The following LRRC41 variants were observed in gnomAD, a reference collection of about 807,000 sequenced individuals.
LRRC41 encodes the protein leucine rich repeat containing 41.
Under a neutral mutation model 72.1 loss-of-function variants are expected in LRRC41, and 17 were observed. That is an observed-to-expected ratio of 0.24 (90% CI 0.16 to 0.35). LRRC41 has a LOEUF of 0.35. Among genes scored for constraint, LRRC41 ranks in the 10% least tolerant of loss-of-function variants. The pLI is 1.00. For missense variants in LRRC41, 759 were observed against 1,065.0 expected, an observed-to-expected ratio of 0.71 and a Z score of 4.00; for synonymous variants, 427 against 431.0, an observed-to-expected ratio of 0.99 and a Z score of 0.11.
chr1:46,285,823 G>T lies in LRRC41; in HGVS notation c.1034C>A (p.Pro345Gln), dbSNP rs1660873203. 1 of 1,593,350 alleles carries T rather than the reference G, an allele frequency of 6.3e-7. No homozygotes were observed. The highest frequency in any genetic ancestry group is 8.5e-7 in the Non-Finnish European group (1 of 1,171,100). Residue 345 changes from proline (P) to glutamine (Q), a missense_variant, in exon 4 of 10, where the codon CCA becomes CAA. Pro to Gln is a moderately conservative substitution (Grantham distance 76). This residue lies in a region of LRRC41 where 427 missense variants were observed against 520.9 expected (regional missense o/e 0.82). Transcript: ENST00000617190. This position sits in a 1 kb window ranked among gnomAD's most constrained non-coding sequence, Gnocchi z 5.3. ...GTDLKRELHP[P>Q]ATSHEAPGTK... is the part of the protein sequence containing the mutation. ...GCCAGGAGCCTCATGGGAGGTGGCT[G>T]GGGGGTGCAGCTCCCTCTTAAGGTC...
chr1:46,290,155 C>T (rs138189012), intron 3 of LRRC41, among the ~76,000 whole-genome samples: 231 of 152,300 alleles, frequency 1.5e-3, no homozygotes, highest in Non-Finnish European at 2.5e-3. Flanking sequence ...TGCATGTAAT[C>T]GCAGTACTTG....
intron 1 of LRRC41, chr1:46,300,337 A>G (rs1661198315): frequency 6.6e-6 from 1 of 152,192 alleles, no homozygotes; most frequent in East Asian, 1.9e-4. Context: ...ATCTCAAAGA[A>G]AAAGAACAAG....
intron 3 of LRRC41, among the ~76,000 whole-genome samples, chr1:46,294,669 A>C (rs1661088571): frequency 7.3e-6 from 1 of 136,956 alleles, no homozygotes; most frequent in African/African-American, 2.8e-5. Context: ...ATCTTGGCTC[A>C]CTGCAACCTC....
rs961085936 is a variant in LRRC41, at chr1:46,278,609, C to T, written c.*256G>A. 1.7e-6 allele frequency: 1 copy of T among 605,820 alleles called. No homozygotes were observed. The highest frequency in any genetic ancestry group is 2.1e-5 in the South Asian group (1 of 48,738). 37.5% of individuals were successfully genotyped at this position (605,820 alleles called of 1,614,324 possible). A position where few individuals can be genotyped will look rare whatever the true frequency, so the allele number is the denominator to read the frequency against. On this transcript the variant is annotated 3_prime_UTR_variant, in exon 10 of 10. Transcript: ENST00000617190. The stretch of plus-strand genomic sequence containing the variant: ...GGGATCTCTTCAGCAATTATGATGA[C>T]CACTGTAACCTCCTGGCCCAGGGTT...
At chr1:46,298,250 T>C (rs200810662) in intron 2 of LRRC41, 34 bp downstream of exon 2, 17 of 1,420,398 alleles carry the variant, frequency 1.2e-5, no homozygotes, top group Admixed American at 1.8e-5. Context: ...TTGCTCATAA[T>C]CATTGACTGA....
In LRRC41 at chr1:46,290,888, G is replaced by A. The variant is rs533852269; in HGVS notation, c.358-4389C>T. Among the ~76,000 whole-genome samples the A allele has an allele frequency of 2.9e-5, 4 of 136,768 alleles. 1 individual carries two copies. The South Asian group carries it at 7.2e-4, about 24-fold the overall frequency. The allele number at this position is 136,768 out of a possible 152,430, so 89.7% of individuals were successfully genotyped here. A position where few individuals can be genotyped will look rare whatever the true frequency, so the allele number is the denominator to read the frequency against. On this transcript the variant is annotated intron_variant, in intron 3 of 9. Transcript: ENST00000617190. ...CTCCCAAAGTGTTGGGATTACAGGC[G>A]TAAGCCACCATGCCCGGCCTGTTTC...
In LRRC41 at chr1:46,292,792, AT is replaced by A. The variant is rs553280272; in HGVS notation, c.357+4770del. Among the ~76,000 whole-genome samples the A allele has an allele frequency of 5.6e-3, 845 of 152,118 alleles. 23 individuals are homozygous for A. Among genetic ancestry groups the A allele is most frequent in the Admixed American group, 0.041 (633 of 15,266 alleles). ...ATTTGGTTATGGTGTTGGCATTTTCATTTTTTTAATTTAATCAATACAAAGT... is the reference window on the plus strand; with the variant it reads ...ATTTGGTTATGGTGTTGGCATTTTCATTTTTTAATTTAATCAATACAAAGT... On this transcript the variant is annotated intron_variant, in intron 3 of 9. Coordinates refer to ENST00000617190, the MANE Select transcript of LRRC41 (RefSeq NM_006369.5).
rs1046575234 is a variant in LRRC41, at chr1:46,302,798, C to A, written c.199+326G>T. On this transcript the variant is annotated intron_variant, in intron 1 of 9. Transcript: ENST00000617190. The surrounding 1 kb of genome is among the most constrained non-coding windows in gnomAD (Gnocchi z 4.7). ...TCCGAGACTCTCCTGCCCGGCCCAGCCGAGTGTCAGTTCGCGCGGCCCACA... is the reference window on the plus strand; with the variant it reads ...TCCGAGACTCTCCTGCCCGGCCCAGACGAGTGTCAGTTCGCGCGGCCCACA... The A allele has an allele frequency of 5.1e-6, 5 of 985,140 alleles. No homozygotes were observed. The highest frequency in any genetic ancestry group is 6.0e-6 in the Non-Finnish European group (5 of 829,824). The allele number at this position is 985,140 out of a possible 1,614,324, so 61.0% of individuals were successfully genotyped here.
rs1660866614 is a variant in LRRC41, at chr1:46,285,542, C to T, written c.1315G>A (p.Ala439Thr). 6.2e-7 allele frequency: 1 copy of T among 1,613,486 alleles called. No individual in the cohort carries two copies. The highest frequency in any genetic ancestry group is 8.5e-7 in the Non-Finnish European group (1 of 1,179,750). Residue 439 changes from alanine (A) to threonine (T), a missense_variant, in exon 4 of 10, where the codon GCT (alanine) becomes ACT (threonine). Around this residue, in one of 4 missense-constraint regions of LRRC41, gnomAD observed 427 missense variants for 520.9 expected, o/e 0.82. Coordinates refer to ENST00000617190, the MANE Select transcript of LRRC41 (RefSeq NM_006369.5). The surrounding 1 kb of genome is among the most constrained non-coding windows in gnomAD (Gnocchi z 5.3). ...EMEIGEVACG[A>T]LDGSDPSCLG... The stretch of plus-strand genomic sequence containing the variant: ...CAGCTGGGATCTGATCCATCCAAAG[C>T]TCCACAAGCCACTTCCCCAATCTCC...
chr1:46,295,661 CAG>C (rs1159166269), intron 3 of LRRC41, among the ~76,000 whole-genome samples: 2 of 152,216 alleles, frequency 1.3e-5, no homozygotes, highest in Admixed American at 1.3e-4. Flanking sequence ...GCCAAGAAGA[CAG>C]AAAGCTTTCT....
At position 46,277,548 on chromosome 1, in the gene LRRC41, T is replaced by C. The variant is rs1177395199; in HGVS notation, c.*1317A>G. The C allele has an allele frequency of 7.9e-6, 4 of 508,690 alleles. No homozygotes were observed. The highest frequency in any genetic ancestry group is 1.4e-5 in the Non-Finnish European group (4 of 280,952). 31.5% of individuals were successfully genotyped at this position (508,690 alleles called of 1,614,324 possible). On this transcript the variant is annotated 3_prime_UTR_variant, in exon 10 of 10. Transcript: ENST00000617190. Reference sequence around the variant, plus strand: ...TGAAGCTGCAGCAGACAAACCTCAGTTCACCCTGACGGGATTTAGCCAGGC... The same window carrying C: ...TGAAGCTGCAGCAGACAAACCTCAGCTCACCCTGACGGGATTTAGCCAGGC...
Position 46,303,266 on chromosome 1 carries a change from C to G in LRRC41, c.57G>C (p.Ala19=), listed in dbSNP as rs1447987025. Residue 19 remains alanine (A), a synonymous_variant, in exon 1 of 10, where the codon GCG becomes GCC. Coordinates refer to ENST00000617190, the MANE Select transcript of LRRC41 (RefSeq NM_006369.5). Reference sequence around the variant, plus strand: ...GGGACGTGGCCTCCATGGTCGTTGCCGCCGCTACCTCACAGAACCAGCAAC... The same window carrying G: ...GGGACGTGGCCTCCATGGTCGTTGCGGCCGCTACCTCACAGAACCAGCAAC... ...ARSCWFCEVA[A]ATTMEATSRE... 1 of 1,545,976 alleles carries G rather than the reference C, an allele frequency of 6.5e-7. No homozygotes were observed. The highest frequency in any genetic ancestry group is 8.7e-7 in the Non-Finnish European group (1 of 1,146,636).
intron 3 of LRRC41, among the ~76,000 whole-genome samples, chr1:46,287,786 T>TA (rs1019416525): frequency 5.3e-5 from 8 of 152,348 alleles, no homozygotes; most frequent in African/African-American, 1.9e-4. Flanking sequence ...AAGAGGCTGG[T>TA]ATGTTGTCTC....
Position 46,281,254 on chromosome 1 carries a change from T to C in LRRC41, c.1627A>G (p.Ile543Val), listed in dbSNP as rs769614266. Reference sequence around the variant, plus strand: ...CGTAGCAGGGGCAGTGCTCGCACGATAGCACGTGTCAGCTCCAGGATGGGC... The same window carrying C: ...CGTAGCAGGGGCAGTGCTCGCACGACAGCACGTGTCAGCTCCAGGATGGGC... ...PLPILELTRA[I>V]VRALPLLRVL... The change falls in exon 5 of 10, where the codon ATC becomes GTC. Residue 543 changes from isoleucine (I) to valine (V), a missense_variant. By Grantham distance (29) the Ile-to-Val change is conservative (BLOSUM62 3). This residue lies in a region of LRRC41 where 427 missense variants were observed against 520.9 expected (regional missense o/e 0.82). Coordinates refer to ENST00000617190, the MANE Select transcript of LRRC41 (RefSeq NM_006369.5). The C allele has an allele frequency of 3.1e-6, 5 of 1,614,196 alleles. No homozygotes were observed. Among genetic ancestry groups the C allele is most frequent in the East Asian group, 2.2e-5 (1 of 44,882 alleles).
At chr1:46,290,129 G>A (rs1467614093) in intron 3 of LRRC41, among the ~76,000 whole-genome samples, 2 of 152,140 alleles carry the variant, frequency 1.3e-5, no homozygotes, top group South Asian at 2.1e-4. Flanking sequence ...AATCATGGAC[G>A]AGGCATGGTG....
At position 46,278,942 on chromosome 1, in the gene LRRC41, G is replaced by C; in HGVS notation, c.2362C>G (p.Leu788Val). 1 of 1,613,934 alleles carries C rather than the reference G, an allele frequency of 6.2e-7. No homozygotes were observed. Among genetic ancestry groups the C allele is most frequent in the South Asian group, 1.1e-5 (1 of 91,072 alleles). ...AVTAREAIRR[L>V]RATCHVVSDS... ...CTAACCACATGGCAGGTAGCCCGGA[G>C]CCGCCGGATGGCTTCCCTGGCTGTG... Residue 788 changes from leucine to valine, a missense_variant, in exon 10 of 10, where the codon CTC (leucine) becomes GTC (valine). This residue lies in a region of LRRC41 where 110 missense variants were observed against 227.0 expected (regional missense o/e 0.48). Transcript: ENST00000617190.
chr1:46,285,952 A>G lies in LRRC41; in HGVS notation c.905T>C (p.Met302Thr), dbSNP rs942383200. The change falls in exon 4 of 10, where the codon ATG becomes ACG. Residue 302 changes from methionine to threonine, a missense_variant. This residue lies in a region of LRRC41 where 427 missense variants were observed against 520.9 expected (regional missense o/e 0.82). Transcript: ENST00000617190. This position sits in a 1 kb window ranked among gnomAD's most constrained non-coding sequence, Gnocchi z 5.3. ...DAAERCAAAL[M>T]ASRRKSEAKQ... ...GGCTTCACTCTTACGCCGGCTGGCC[A>G]TCAGGGCTGCAGCACATCGCTCAGC... 15 of 1,534,896 alleles carry G rather than the reference A, an allele frequency of 9.8e-6. No individual in the cohort carries two copies. Among genetic ancestry groups the G allele is most frequent in the Non-Finnish European group, 1.3e-5 (15 of 1,141,792 alleles).
chr1:46,286,982 C>G lies in LRRC41; in HGVS notation c.358-483G>C, dbSNP rs1356614424. ...TACAGGCGCCCGCCACCACACCTGG[C>G]TAATTTTTGTATGTTTCATCATATT... is the stretch of plus-strand genomic sequence containing the variant. On this transcript the variant is annotated intron_variant, in intron 3 of 9. Coordinates refer to ENST00000617190, the MANE Select transcript of LRRC41 (RefSeq NM_006369.5). The surrounding 1 kb of genome is among the most constrained non-coding windows in gnomAD (Gnocchi z 5.5). 6.6e-6 allele frequency among the ~76,000 whole-genome samples: 1 copy of G among 152,010 alleles called. No individual in the cohort carries two copies. The highest frequency in any genetic ancestry group is 1.5e-5 in the Non-Finnish European group (1 of 68,008).
Position 46,303,260 on chromosome 1 carries a change from C to G in LRRC41, c.63G>C (p.Thr21=). The G allele has an allele frequency of 6.5e-7, 1 of 1,546,638 alleles. No individual in the cohort carries two copies. Among genetic ancestry groups the G allele is most frequent in the South Asian group, 1.2e-5 (1 of 84,102 alleles). The change falls in exon 1 of 10, where the codon ACG becomes ACC. Residue 21 remains threonine, a synonymous_variant. Transcript: ENST00000617190. ...SCWFCEVAAA[T]TMEATSREAA... is the part of the protein sequence containing the mutation. ...CCTCCCGGGACGTGGCCTCCATGGT[C>G]GTTGCCGCCGCTACCTCACAGAACC...
Sources: allele counts gnomAD v4.1 joint callset (sites outside exome capture counted in the v4.1 genomes callset), GRCh38; gene constraint gnomAD v4.1.1; regional missense constraint gnomAD v4.1.1; non-coding constraint Gnocchi (gnomAD v3.1); transcripts MANE v1.5; gene names NCBI Gene and HGNC (gene_info 2026-07-23, HGNC 2026-07-21).